The following ITGB1 variants were observed in gnomAD, a reference collection of about 807,000 sequenced individuals.
ITGB1 encodes the protein integrin subunit beta 1.
ITGB1 carries 24 observed loss-of-function variants against 86.5 expected under a neutral mutation model. That is an observed-to-expected ratio of 0.28 (90% CI 0.20 to 0.39). The LOEUF (loss-of-function observed/expected upper bound fraction) is 0.39. Ranked by LOEUF, ITGB1 falls within the 10% of genes least tolerant of loss-of-function variation. The pLI is 1.00. For missense variants in ITGB1, 556 were observed against 946.9 expected (o/e 0.59, Z 5.42); for synonymous variants, 323 against 316.8 (o/e 1.02, Z -0.21).
intron 15 of ITGB1, chr10:32,906,616 G>C (rs867124890): frequency 5.7e-6 from 1 of 176,252 alleles, no homozygotes; most frequent in Non-Finnish European, 1.2e-5. Flanking sequence ...AACAGAAAAA[G>C]AACAAAAGAT....
chr10:32,940,955 G>A (rs1427274855), intron 1 of ITGB1, among the ~76,000 whole-genome samples: 1 of 152,146 alleles, frequency 6.6e-6, no homozygotes, highest in African/African-American at 2.4e-5. Context: ...AAGGGTCACT[G>A]CTTCAGGGAA....
intron 15 of ITGB1, 87 bp from the exon 16 acceptor site, chr10:32,901,722 C>T: frequency 2.3e-6 from 2 of 853,606 alleles, no homozygotes; most frequent in South Asian, 3.2e-5. Context: ...CTAAAAGTTG[C>T]AATCATCTTA....
At position 32,923,484 on chromosome 10, in the gene ITGB1, C is replaced by T. The variant is rs889818350; in HGVS notation, c.942+101G>A. On this transcript the variant is annotated intron_variant, in intron 7 of 15. Transcript: ENST00000302278. ...CCTACTTACCAAAACAGCAAAACCTCAAACCCTGAGAAACCCCAAGCCAGT... is the reference window on the plus strand; with the variant it reads ...CCTACTTACCAAAACAGCAAAACCTTAAACCCTGAGAAACCCCAAGCCAGT... The T allele has an allele frequency of 6.7e-6, 7 of 1,044,460 alleles. No homozygotes were observed. The African/African-American group carries it at 1.1e-4, about 17-fold the overall frequency. 64.7% of individuals were successfully genotyped at this position (1,044,460 alleles called of 1,614,324 possible).
intron 1 of ITGB1, among the ~76,000 whole-genome samples, chr10:32,957,430 GT>G (rs1387295343): frequency 2.0e-5 from 3 of 152,190 alleles, no homozygotes; most frequent in Non-Finnish European, 4.4e-5. Flanking sequence ...ATGCGTCCTG[GT>G]CCCGGGGTGC....
chr10:32,903,277 G>A (rs1218986453), intron 15 of ITGB1, among the ~76,000 whole-genome samples: 3 of 145,646 alleles, frequency 2.1e-5, no homozygotes, highest in Non-Finnish European at 4.5e-5. Flanking sequence ...ACTTGAACCC[G>A]GGAAGCGGAG....
intron 1 of ITGB1, among the ~76,000 whole-genome samples, chr10:32,943,904 G>A (rs576787585): frequency 1.1e-4 from 16 of 152,314 alleles, no homozygotes; most frequent in African/African-American, 1.9e-4. Context: ...TGAGAAGTAC[G>A]TAGAAAGTCT....
At chr10:32,944,710 CAA>C (rs2095027223) in intron 1 of ITGB1, 2 of 685,430 alleles carry the variant, frequency 2.9e-6, no homozygotes, top group Non-Finnish European at 5.5e-6. Context: ...CTTAGACAGA[CAA>C]AGTGATTAGC....
intron 4 of ITGB1, 38 bp from the exon 5 acceptor site, chr10:32,928,302 T>C (rs779117467): frequency 8.8e-6 from 7 of 791,698 alleles, no homozygotes; most frequent in Admixed American, 6.4e-5. Flanking sequence ...AACTTGCCTG[T>C]TGGCAATCAA....
chr10:32,906,950 G>A (rs1037905168), intron 15 of ITGB1: 5 of 500,756 alleles, frequency 1.0e-5, no homozygotes, highest in African/African-American at 4.2e-5. Context: ...CCACAATAGC[G>A]ATATTTAAAG....
intron 5 of ITGB1, 40 bp from the exon 6 acceptor site, chr10:32,926,149 GGATA>G (rs1565825754): frequency 1.1e-5 from 14 of 1,319,580 alleles, no homozygotes; most frequent in Non-Finnish European, 1.5e-5. Context: ...ATGAATGGAT[GGATA>G]GATGGAAAGA....
At chr10:32,907,180 G>C (rs779535876) in intron 15 of ITGB1, 6 of 846,398 alleles carry the variant, frequency 7.1e-6, no homozygotes, top group Non-Finnish European at 1.0e-5. Flanking sequence ...GATTTCATCA[G>C]AAAAAAAAAA....
intron 1 of ITGB1, among the ~76,000 whole-genome samples, chr10:32,954,039 G>A (rs547223433): frequency 7.2e-5 from 11 of 152,120 alleles, no homozygotes; most frequent in South Asian, 6.2e-4. Context: ...CCTTCAGCCC[G>A]TTTTTCACTC....
intron 1 of ITGB1, among the ~76,000 whole-genome samples, chr10:32,948,304 T>G (rs574303054): frequency 3.9e-5 from 6 of 152,118 alleles, no homozygotes; most frequent in Non-Finnish European, 8.8e-5. Context: ...CTTAAATATT[T>G]TATACTGACA....
At chr10:32,919,820 A>G (rs1462431618) in intron 11 of ITGB1, 65 bp downstream of exon 11, 1 of 1,426,236 alleles carries the variant, frequency 7.0e-7, no homozygotes, top group Non-Finnish European at 9.9e-7. Flanking sequence ...ATGTCCCAAA[A>G]TATGACCTGC....
At chr10:32,929,797 T>TATTC (rs755598972) in intron 4 of ITGB1, 25 bp downstream of exon 4, 1 of 1,287,420 alleles carries the variant, frequency 7.8e-7, no homozygotes, top group South Asian at 1.2e-5. Context: ...AACACGCAGG[T>TATTC]ATTCACAGAG....
intron 5 of ITGB1, among the ~76,000 whole-genome samples, chr10:32,927,486 CAT>C (rs774435330): frequency 7.2e-5 from 11 of 152,292 alleles, no homozygotes; most frequent in East Asian, 3.9e-4. Context: ...GTATTCAACA[CAT>C]GTTTATAAAA....
chr10:32,906,964 G>C (rs1161314604), intron 15 of ITGB1: 10 of 550,236 alleles, frequency 1.8e-5, no homozygotes, highest in Non-Finnish European at 2.9e-5. Context: ...TTTAAAGCCA[G>C]ACTTAAAAAA....
intron 1 of ITGB1, among the ~76,000 whole-genome samples, chr10:32,941,339 T>A (rs2095017748): frequency 6.6e-6 from 1 of 152,266 alleles, no homozygotes; most frequent in Non-Finnish European, 1.5e-5. Context: ...TGTAACTATA[T>A]CTTGTTGGTG....
At chr10:32,901,915 G>A (rs2094882920) in intron 15 of ITGB1, among the ~76,000 whole-genome samples, 1 of 152,160 alleles carries the variant, frequency 6.6e-6, no homozygotes, top group Non-Finnish European at 1.5e-5. Flanking sequence ...TGTTCTCCAT[G>A]GCACAGAATG....
Sources: allele counts gnomAD v4.1 joint callset (sites outside exome capture counted in the v4.1 genomes callset), GRCh38; gene constraint gnomAD v4.1.1; transcripts MANE v1.5; gene names NCBI Gene and HGNC (gene_info 2026-07-23, HGNC 2026-07-21).